CLSTN2: variants seen among roughly 807,000 people sequenced by gnomAD.
The protein encoded by CLSTN2 is calsyntenin 2.
Under a neutral mutation model 101.2 loss-of-function variants are expected in CLSTN2, and 48 were observed. The observed-to-expected ratio is 0.47, with a 90% CI of 0.38 to 0.60. CLSTN2 has a LOEUF of 0.60. Among genes scored for constraint, CLSTN2 ranks in the 20% least tolerant of loss-of-function variants. The probability of loss-of-function intolerance (pLI) is 0.00; values close to 1 mark genes in which losing one functional copy is unlikely to be tolerated. For synonymous variants in CLSTN2, 481 were observed against 463.6 expected, an observed-to-expected ratio of 1.04 and a Z score of -0.48; for missense variants, 1,160 against 1,238.2, an observed-to-expected ratio of 0.94 and a Z score of 0.95.
At chr3:140,066,651 C>T (rs1465320762) in intron 1 of CLSTN2, among the ~76,000 whole-genome samples, 1 of 152,162 alleles carries the variant, frequency 6.6e-6, no homozygotes, top group African/African-American at 2.4e-5. Context: ...GTTCTGCTAC[C>T]TTGGGTGGGG....
intron 1 of CLSTN2, among the ~76,000 whole-genome samples, chr3:140,027,275 A>T (rs1342966259): frequency 6.6e-6 from 1 of 152,160 alleles, no homozygotes; most frequent in Non-Finnish European, 1.5e-5. Context: ...ACCTTTGCAG[A>T]TGCAAATAGT....
chr3:140,218,165 G>C (rs2010942696), intron 2 of CLSTN2, among the ~76,000 whole-genome samples: 1 of 152,212 alleles, frequency 6.6e-6, no homozygotes, highest in Non-Finnish European at 1.5e-5. Flanking sequence ...TTAAGCTCCT[G>C]TCAGCAGAAA....
intron 1 of CLSTN2, among the ~76,000 whole-genome samples, chr3:140,066,058 C>A (rs1039738028): frequency 1.4e-4 from 21 of 152,232 alleles, no homozygotes; most frequent in African/African-American, 4.8e-4. Flanking sequence ...AAGCTTTACG[C>A]AATCAAATAA....
chr3:140,067,973 G>A (rs1465970316), intron 1 of CLSTN2, among the ~76,000 whole-genome samples: 1 of 152,210 alleles, frequency 6.6e-6, no homozygotes, highest in African/African-American at 2.4e-5. Flanking sequence ...CGAGACTTCT[G>A]TGGCTCATTC....
intron 1 of CLSTN2, among the ~76,000 whole-genome samples, chr3:140,151,191 G>A (rs964284173): frequency 3.3e-5 from 5 of 152,122 alleles, no homozygotes; most frequent in African/African-American, 4.8e-5. Flanking sequence ...AATATAAACA[G>A]CTTCAGGAAG....
At chr3:140,457,668 G>A (rs1471888101) in intron 6 of CLSTN2, among the ~76,000 whole-genome samples, 2 of 152,240 alleles carry the variant, frequency 1.3e-5, no homozygotes, top group South Asian at 2.1e-4. Flanking sequence ...GATGAGAGGC[G>A]TGGAGCGTGG....
intron 8 of CLSTN2, among the ~76,000 whole-genome samples, chr3:140,485,889 C>A (rs942716600): frequency 1.3e-5 from 2 of 152,126 alleles, no homozygotes; most frequent in Admixed American, 1.3e-4. Flanking sequence ...AGGGAATTCC[C>A]TGACCCCTTG....
At chr3:140,084,063 C>A in intron 1 of CLSTN2, among the ~76,000 whole-genome samples, 1 of 152,120 alleles carries the variant, frequency 6.6e-6, no homozygotes, top group East Asian at 1.9e-4. Context: ...TCCTCTTAAC[C>A]TGGAAATGTA....
At chr3:140,545,586 G>A (rs1935569728) in intron 9 of CLSTN2, among the ~76,000 whole-genome samples, 1 of 152,238 alleles carries the variant, frequency 6.6e-6, no homozygotes, top group South Asian at 2.1e-4. Context: ...GTTGCTCAGA[G>A]ATGGAAGGAG....
intron 2 of CLSTN2, among the ~76,000 whole-genome samples, chr3:140,202,287 G>C (rs1056980696): frequency 2.6e-5 from 4 of 152,246 alleles, no homozygotes; most frequent in African/African-American, 9.6e-5. Flanking sequence ...TGCAGTAACA[G>C]CTGAGAGTGC....
intron 7 of CLSTN2, among the ~76,000 whole-genome samples, chr3:140,463,366 A>C (rs1023953633): frequency 6.6e-6 from 1 of 151,956 alleles, no homozygotes; most frequent in Admixed American, 6.5e-5. Flanking sequence ...AGCAATCACC[A>C]GGTGAGAGAG....
chr3:140,221,634 C>A (rs775161362), intron 2 of CLSTN2, among the ~76,000 whole-genome samples: 1 of 152,014 alleles, frequency 6.6e-6, no homozygotes, highest in African/African-American at 2.4e-5. Flanking sequence ...ATGACTCTAT[C>A]GAAACAAATG....
At chr3:140,289,015 T>C (rs1270403832) in intron 2 of CLSTN2, among the ~76,000 whole-genome samples, 1 of 152,178 alleles carries the variant, frequency 6.6e-6, no homozygotes, top group Non-Finnish European at 1.5e-5. Context: ...TTGATTATGC[T>C]GTGTTGAAAT....
chr3:140,512,334 T>C (rs1256949427), intron 8 of CLSTN2, among the ~76,000 whole-genome samples: 1 of 152,226 alleles, frequency 6.6e-6, no homozygotes, highest in African/African-American at 2.4e-5. Flanking sequence ...TTTCTGCATA[T>C]GGCTAGCCAG....
chr3:140,510,205 A>G (rs1193953552), intron 8 of CLSTN2, among the ~76,000 whole-genome samples: 1 of 152,242 alleles, frequency 6.6e-6, no homozygotes, highest in Non-Finnish European at 1.5e-5. Flanking sequence ...TTTTTGCTCC[A>G]TTGTAAAGTT....
intron 1 of CLSTN2, among the ~76,000 whole-genome samples, chr3:140,019,558 C>A (rs1191657733): frequency 6.6e-6 from 1 of 152,190 alleles, no homozygotes; most frequent in Non-Finnish European, 1.5e-5. Flanking sequence ...ATACAGATGG[C>A]ATAGTTGGGT....
At chr3:140,436,575 G>T (rs550699910) in intron 5 of CLSTN2, among the ~76,000 whole-genome samples, 1 of 152,214 alleles carries the variant, frequency 6.6e-6, no homozygotes, top group Non-Finnish European at 1.5e-5. Flanking sequence ...ACCTTCCATG[G>T]ATCCCAGCCA....
intron 2 of CLSTN2, among the ~76,000 whole-genome samples, chr3:140,258,632 A>G (rs1354898185): frequency 1.3e-5 from 2 of 152,150 alleles, no homozygotes; most frequent in Non-Finnish European, 1.5e-5. Context: ...TTGCAGTTAA[A>G]TTCTATAACT....
Position 139,991,734 on chromosome 3 carries a change from C to T in CLSTN2, c.109+56251C>T, listed in dbSNP as rs529136821. On this transcript the variant is annotated intron_variant, in intron 1 of 16. Coordinates refer to ENST00000458420, the MANE Select transcript of CLSTN2 (RefSeq NM_022131.3). ...ATAGAAAACTTGACTCAAACTGGCT[C>T]GAACACACAAACAGAGAAAGAATTT... is the stretch of plus-strand genomic sequence containing the variant. 7.4e-4 allele frequency among the ~76,000 whole-genome samples: 112 copies of T among 152,282 alleles called. No individual in the cohort carries two copies. In the Middle Eastern group the frequency reaches 0.031, roughly 42 times the overall value.
Sources: allele counts gnomAD v4.1 joint callset (sites outside exome capture counted in the v4.1 genomes callset), GRCh38; gene constraint gnomAD v4.1.1; transcripts MANE v1.5; gene names NCBI Gene and HGNC (gene_info 2026-07-23, HGNC 2026-07-21).